The following SIDT1 variants were observed in gnomAD, a reference collection of about 807,000 sequenced individuals.
SIDT1 encodes the protein SID1 transmembrane family, member 1.
SIDT1 carries 101 observed loss-of-function variants against 107.5 expected under a neutral mutation model. The ratio of observed to expected loss-of-function variants is 0.94; its 90% CI spans 0.80 to 1.11. SIDT1 has a LOEUF of 1.11. Ranked by LOEUF, SIDT1 falls within the 50% of genes least tolerant of loss-of-function variation. The pLI is 0.00. For synonymous variants in SIDT1, 395 were observed against 398.2 expected, an observed-to-expected ratio of 0.99 and a Z score of 0.10; for missense variants, 1,076 against 1,058.2, an observed-to-expected ratio of 1.02 and a Z score of -0.23.
chr3:113,597,318 GA>G (rs1944634162), intron 10 of SIDT1, among the ~76,000 whole-genome samples: 2 of 151,930 alleles, frequency 1.3e-5, no homozygotes, highest in Non-Finnish European at 2.9e-5. Context: ...CCAACATTGT[GA>G]AACCCTGTCT....
chr3:113,606,007 G>T (rs1166527320), intron 14 of SIDT1, among the ~76,000 whole-genome samples: 1 of 91,786 alleles, frequency 1.1e-5, no homozygotes, highest in Non-Finnish European at 2.3e-5. Context: ...CGTGTCTCAA[G>T]AACAAAAAAA....
In SIDT1 at chr3:113,619,738, T is replaced by C. The variant is rs758912941; in HGVS notation, c.2090+12T>C. ...GTTAACTGGTCCTTGTAAGTAGTCT[T>C]ATGAAAACATGTTTTTGCCTTTATT... On this transcript the variant is annotated intron_variant, in intron 21 of 24. Transcript: ENST00000264852. 3 of 1,613,092 alleles carry C rather than the reference T, an allele frequency of 1.9e-6. No homozygotes were observed. The highest frequency in any genetic ancestry group is 1.7e-5 in the Admixed American group (1 of 60,016).
At chr3:113,588,568 A>G (rs1943907340) in intron 9 of SIDT1, among the ~76,000 whole-genome samples, 1 of 152,186 alleles carries the variant, frequency 6.6e-6, no homozygotes, top group African/African-American at 2.4e-5. Context: ...GTGTCTTCAT[A>G]CTGTATTAGC....
chr3:113,580,784 G>T (rs1479485207), intron 5 of SIDT1, 75 bp downstream of exon 5: 1 of 942,610 alleles, frequency 1.1e-6, no homozygotes, highest in East Asian at 2.4e-5. Flanking sequence ...GAGAAGGGTG[G>T]AAGCATGCCA....
In SIDT1 at chr3:113,623,442, G is replaced by C. The variant is rs185416689; in HGVS notation, c.2106G>C (p.Leu702Phe). The change falls in exon 22 of 25, where the codon TTG becomes TTC. Residue 702 changes from leucine to phenylalanine, a missense_variant. Leu to Phe is a conservative substitution (Grantham distance 22). Transcript: ENST00000264852. ...ACGCCTGCAGCGCCCTCTTTGGATT[G>C]ATATACCGCCCCAGGGACTTTGCTT... ...LVNWSFALFG[L>F]IYRPRDFASY... 15 of 1,613,598 alleles carry C rather than the reference G, an allele frequency of 9.3e-6. No homozygotes were observed. The Admixed American group carries it at 2.5e-4, about 27-fold the overall frequency.
At chr3:113,603,843 G>T in intron 12 of SIDT1, 117 bp from the exon 13 acceptor site, 2 of 663,758 alleles carry the variant, frequency 3.0e-6, no homozygotes, top group Non-Finnish European at 2.6e-6. Context: ...TAATTGTATC[G>T]CTTGAATAAT....
chr3:113,534,897 T>C (rs139867044), intron 1 of SIDT1, among the ~76,000 whole-genome samples: 5 of 152,346 alleles, frequency 3.3e-5, no homozygotes, highest in African/African-American at 1.2e-4. Context: ...TTGACTTCCC[T>C]AGTAAACCTT....
intron 9 of SIDT1, among the ~76,000 whole-genome samples, chr3:113,587,531 G>A (rs1279151287): frequency 6.6e-6 from 1 of 152,158 alleles, no homozygotes; most frequent in Non-Finnish European, 1.5e-5. Flanking sequence ...TCTTCTTGAT[G>A]TTTGTTTACA....
chr3:113,547,150 A>G (rs888312484), intron 1 of SIDT1, among the ~76,000 whole-genome samples: 3 of 152,158 alleles, frequency 2.0e-5, no homozygotes, highest in South Asian at 2.1e-4. Context: ...TGTTTGAGGC[A>G]ATGGATATGC....
At chr3:113,537,164 T>G (rs546489649) in intron 1 of SIDT1, among the ~76,000 whole-genome samples, 1 of 152,372 alleles carries the variant, frequency 6.6e-6, no homozygotes, top group South Asian at 2.1e-4. Context: ...GAATTTAGTT[T>G]GCCATAGATT....
intron 1 of SIDT1, among the ~76,000 whole-genome samples, chr3:113,558,491 T>C (rs1941111395): frequency 1.3e-5 from 2 of 152,158 alleles, no homozygotes; most frequent in African/African-American, 4.8e-5. Context: ...TTCAAGGATA[T>C]TTGCATAGCA....
At chr3:113,623,570 C>CGG in intron 22 of SIDT1, 38 bp downstream of exon 22, 1 of 1,602,520 alleles carries the variant, frequency 6.2e-7, no homozygotes, top group Non-Finnish European at 8.5e-7. Context: ...CTCGGGCCCT[C>CGG]GGGCAGGCGA....
intron 1 of SIDT1, among the ~76,000 whole-genome samples, chr3:113,551,932 T>C (rs1940295981): frequency 6.6e-6 from 1 of 152,016 alleles, no homozygotes; most frequent in Non-Finnish European, 1.5e-5. Context: ...ACCCGAGCAG[T>C]TGGCCTGTCT....
chr3:113,634,703 C>T, the SIDT1 span, among the ~76,000 whole-genome samples: 1 of 152,012 alleles, frequency 6.6e-6, no homozygotes, highest in African/African-American at 2.4e-5. Flanking sequence ...ACTAGGGAGG[C>T]TGAGGCAGGA....
intron 9 of SIDT1, among the ~76,000 whole-genome samples, 194 bp downstream of exon 9, chr3:113,585,464 T>C (rs1943675381): frequency 6.6e-6 from 1 of 152,108 alleles, no homozygotes; most frequent in Non-Finnish European, 1.5e-5. Context: ...TAAAGTGAGA[T>C]AATAATTTAC....
intron 21 of SIDT1, among the ~76,000 whole-genome samples, chr3:113,620,501 TAA>T (rs58107587): frequency 2.1e-4 from 31 of 147,396 alleles, no homozygotes; most frequent in Admixed American, 2.7e-4. Context: ...GGCCTGTGAT[TAA>T]AAAAAAAAAA....
At chr3:113,617,401 T>A (rs1946183094) in intron 20 of SIDT1, among the ~76,000 whole-genome samples, 1 of 152,240 alleles carries the variant, frequency 6.6e-6, no homozygotes, top group Non-Finnish European at 1.5e-5. Context: ...TTGAGAAGGC[T>A]ACCTTCCTCC....
chr3:113,579,515 G>A (rs1334057931), intron 4 of SIDT1, among the ~76,000 whole-genome samples: 1 of 151,960 alleles, frequency 6.6e-6, no homozygotes, highest in Non-Finnish European at 1.5e-5. Flanking sequence ...TGGGTTCTTG[G>A]GGGTATTGCC....
chr3:113,601,893 C>T (rs1193161931), intron 11 of SIDT1: 1 of 452,052 alleles, frequency 2.2e-6, no homozygotes, highest in Non-Finnish European at 3.9e-6. Context: ...GGGCAGAATT[C>T]CTTCAATGTT....
Sources: allele counts gnomAD v4.1 joint callset (sites outside exome capture counted in the v4.1 genomes callset), GRCh38; gene constraint gnomAD v4.1.1; transcripts MANE v1.5; gene names NCBI Gene and HGNC (gene_info 2026-07-23, HGNC 2026-07-21).